CAAP1: variants seen among roughly 807,000 people sequenced by gnomAD.
The protein encoded by CAAP1 is conserved anti-apoptotic protein.
Under a neutral mutation model 34.0 loss-of-function variants are expected in CAAP1, and 20 were observed. The ratio of observed to expected loss-of-function variants is 0.59; its 90% CI spans 0.41 to 0.86. The LOEUF (loss-of-function observed/expected upper bound fraction) is 0.86, where lower values mean the gene tolerates loss of function less well. Ranked by LOEUF, CAAP1 falls within the 40% of genes least tolerant of loss-of-function variation. The pLI is 0.00. For synonymous variants in CAAP1, 213 were observed against 166.7 expected (o/e 1.28, Z -2.14); for missense variants, 538 against 450.5 (o/e 1.19, Z -1.76).
Position 26,892,697 on chromosome 9 carries a change from A to G in CAAP1, c.19T>C (p.Ser7Pro). 6.3e-7 allele frequency: 1 copy of G among 1,599,790 alleles called. No individual in the cohort carries two copies. Among genetic ancestry groups the G allele is most frequent in the Non-Finnish European group, 8.5e-7 (1 of 1,176,714 alleles). ...CTACGTTTGCGCCGTTTCTCCCGGG[A>G]GGACTTTTTCCCCGTCATGATCCCT... The part of the protein sequence containing the change: MTGKKS[S>P]REKRRKRSSQ... Residue 7 changes from serine to proline, a missense_variant, in exon 1 of 6, where the codon TCC becomes CCC. Physicochemically the swap from Ser to Pro is moderately conservative, Grantham distance 74. Coordinates refer to ENST00000333916, the MANE Select transcript of CAAP1 (RefSeq NM_024828.4).
chr9:26,890,179 G>C (rs1823865193), intron 1 of CAAP1, among the ~76,000 whole-genome samples: 2 of 151,924 alleles, frequency 1.3e-5, no homozygotes. Context: ...AAACCAGCCT[G>C]ACCAACATGG....
chr9:26,876,256 T>C (rs889485804), intron 4 of CAAP1, among the ~76,000 whole-genome samples: 1 of 152,200 alleles, frequency 6.6e-6, no homozygotes, highest in African/African-American at 2.4e-5. Context: ...ACTTCGACTG[T>C]CTTATCTCCC....
intron 5 of CAAP1, among the ~76,000 whole-genome samples, chr9:26,855,105 A>G (rs1822838135): frequency 6.6e-6 from 1 of 152,260 alleles, no homozygotes; most frequent in Middle Eastern, 3.2e-3. Flanking sequence ...TTATGGGTGA[A>G]TGGATGAACA....
At chr9:26,867,592 A>AT (rs977201571) in intron 4 of CAAP1, among the ~76,000 whole-genome samples, 6 of 151,880 alleles carry the variant, frequency 4.0e-5, no homozygotes, top group East Asian at 1.9e-4. Context: ...ACTAGAATCC[A>AT]TTTTTTTTAG....
At chr9:26,877,732 T>G (rs536136876) in intron 4 of CAAP1, among the ~76,000 whole-genome samples, 2 of 152,278 alleles carry the variant, frequency 1.3e-5, no homozygotes, top group South Asian at 4.1e-4. Flanking sequence ...CCATGTTATT[T>G]TTTCCCTGCA....
intron 1 of CAAP1, among the ~76,000 whole-genome samples, chr9:26,887,994 G>GTAACCA (rs1162068745): frequency 6.6e-6 from 1 of 152,134 alleles, no homozygotes; most frequent in Non-Finnish European, 1.5e-5. Flanking sequence ...AAGTAACCAA[G>GTAACCA]TAATTTCAGT....
intron 5 of CAAP1, among the ~76,000 whole-genome samples, chr9:26,855,478 T>C (rs1406397415): frequency 6.6e-6 from 1 of 152,220 alleles, no homozygotes; most frequent in Admixed American, 6.5e-5. Flanking sequence ...TCATAAATTA[T>C]GGACTTGGTT....
At chr9:26,876,482 T>TGTA in intron 4 of CAAP1, among the ~76,000 whole-genome samples, 1 of 151,798 alleles carries the variant, frequency 6.6e-6, no homozygotes, top group Admixed American at 6.6e-5. Context: ...GTTTTTTTTT[T>TGTA]TTTTTTTTTG....
rs571467296 is a variant in CAAP1 at position 26,840,720 on chromosome 9, C to A, written c.*1581G>T. 6.6e-6 allele frequency: 1 copy of A among 152,210 alleles called. No homozygotes were observed. The highest frequency in any genetic ancestry group is 1.9e-4 in the East Asian group (1 of 5,174). The allele number at this position is 152,210 out of a possible 1,614,324, so 9.4% of individuals were successfully genotyped here. On this transcript the variant is annotated 3_prime_UTR_variant, in exon 6 of 6. Coordinates refer to ENST00000333916, the MANE Select transcript of CAAP1 (RefSeq NM_024828.4). ...TGGAGACTTTAATCATCTACAAAGC[C>A]CTCAGACCTGTTTTACTTTATATGT...
chr9:26,849,669 A>G (rs1487402790), intron 5 of CAAP1, among the ~76,000 whole-genome samples: 2 of 151,032 alleles, frequency 1.3e-5, no homozygotes, highest in Non-Finnish European at 2.9e-5. Context: ...GCATACATCA[A>G]AACTGTTTTT....
rs369048921 is a variant in CAAP1, at chr9:26,871,662, G to A, written c.666-10523C>T. ...ATGCAGTCCAGGCATGGTTGCTCAC[G>A]CCTATAATCCCAGCACTTTGGGAAG... On this transcript the variant is annotated intron_variant, in intron 4 of 5. Transcript: ENST00000333916. Among the ~76,000 whole-genome samples, 29 of 151,882 alleles carry A rather than the reference G, an allele frequency of 1.9e-4. No homozygotes were observed. The East Asian group carries it at 3.1e-3, about 16-fold the overall frequency.
At chr9:26,867,738 TA>T (rs1434776727) in intron 4 of CAAP1, among the ~76,000 whole-genome samples, 1 of 152,182 alleles carries the variant, frequency 6.6e-6, no homozygotes, top group Non-Finnish European at 1.5e-5. Flanking sequence ...GAACTGCTGC[TA>T]GATCTTATTA....
intron 4 of CAAP1, among the ~76,000 whole-genome samples, chr9:26,866,074 T>C (rs1823129475): frequency 6.6e-6 from 1 of 152,216 alleles, no homozygotes; most frequent in Non-Finnish European, 1.5e-5. Flanking sequence ...CTCAAACTCC[T>C]GACCTCAAGT....
chr9:26,888,794 C>G (rs1475528406), intron 1 of CAAP1, among the ~76,000 whole-genome samples: 1 of 152,196 alleles, frequency 6.6e-6, no homozygotes, highest in African/African-American at 2.4e-5. Flanking sequence ...AAAACTTGTA[C>G]TTGTTCTTAA....
At chr9:26,844,903 G>A (rs768864327) in intron 5 of CAAP1, among the ~76,000 whole-genome samples, 1 of 152,130 alleles carries the variant, frequency 6.6e-6, no homozygotes, top group Non-Finnish European at 1.5e-5. Flanking sequence ...TGTTCTACAC[G>A]TGGCAAGCCC....
Position 26,892,433 on chromosome 9 carries a change from C to T in CAAP1, c.283G>A (p.Val95Ile). The T allele has an allele frequency of 1.9e-6, 3 of 1,603,042 alleles. No homozygotes were observed. The highest frequency in any genetic ancestry group is 1.1e-5 in the South Asian group (1 of 89,840). ...CGCACCTGCTGCAAGGAGCCCGAGA[C>T]GCTGGAAGAGTCGGTACTCCTCCGC... ...RKRRSTDSSS[V>I]SGSLQQETKY... The change falls in exon 1 of 6, where the codon GTC (valine) becomes ATC (isoleucine). Residue 95 changes from valine (V) to isoleucine (I), a missense_variant. By Grantham distance (29) the Val-to-Ile change is conservative. This residue lies in a region of CAAP1 where 514 missense variants were observed against 408.4 expected (regional missense o/e 1.26). Coordinates refer to ENST00000333916, the MANE Select transcript of CAAP1 (RefSeq NM_024828.4).
intron 1 of CAAP1, among the ~76,000 whole-genome samples, chr9:26,889,111 G>A (rs1384112919): frequency 6.6e-6 from 1 of 152,192 alleles, no homozygotes; most frequent in South Asian, 2.1e-4. Flanking sequence ...TTTCTGGAGT[G>A]ATGAAAATAT....
At chr9:26,892,268 G>C in intron 1 of CAAP1, 145 bp downstream of exon 1, 5 of 1,527,488 alleles carry the variant, frequency 3.3e-6, no homozygotes, top group Non-Finnish European at 4.4e-6. Flanking sequence ...CCAGGACTTA[G>C]GTAGGAACAT....
chr9:26,844,161 C>T (rs926587899), intron 5 of CAAP1, among the ~76,000 whole-genome samples: 1 of 152,024 alleles, frequency 6.6e-6, no homozygotes, highest in Non-Finnish European at 1.5e-5. Flanking sequence ...AGTTTGAGAC[C>T]AGCCTGACCA....
Sources: gnomAD v4.1 joint callset for allele counts (sites outside exome capture counted in the v4.1 genomes callset) on GRCh38, gnomAD v4.1.1 for gene constraint, gnomAD v4.1.1 regional missense constraint, MANE v1.5 for transcripts, NCBI Gene and HGNC (gene_info 2026-07-23, HGNC 2026-07-21) for gene names.